The following ATP2B4 variants were observed in gnomAD, a reference collection of about 807,000 sequenced individuals.
The protein encoded by ATP2B4 is ATPase plasma membrane Ca2+ transporting 4.
In ATP2B4, 39 loss-of-function variants were observed where a neutral mutation model predicts 110.3. The ratio of observed to expected loss-of-function variants is 0.35; its 90% CI spans 0.27 to 0.46. The LOEUF (loss-of-function observed/expected upper bound fraction) is 0.46. Among genes scored for constraint, ATP2B4 ranks in the 20% least tolerant of loss-of-function variants. The probability of loss-of-function intolerance (pLI) is 1.00; values close to 1 mark genes in which losing one functional copy is unlikely to be tolerated. For synonymous variants in ATP2B4, 538 were observed against 571.7 expected, an observed-to-expected ratio of 0.94 and a Z score of 0.84; for missense variants, 1,135 against 1,530.9, an observed-to-expected ratio of 0.74 and a Z score of 4.32.
chr1:203,662,207 T>C (rs975216855), intron 1 of ATP2B4, among the ~76,000 whole-genome samples: 5 of 152,154 alleles, frequency 3.3e-5, no homozygotes, highest in African/African-American at 7.2e-5. Context: ...TTTGTATTTT[T>C]AGTAGAGACA....
rs151029505 is a variant in ATP2B4 at position 203,651,912 on chromosome 1, T to C, written c.-465+24693T>C. On this transcript the variant is annotated intron_variant, in intron 1 of 20. Transcript: ENST00000357681. ...GTCTCTACTAAAAATAAAAAAAAATTAGCCAGGCATGGTGGTGGGACGCCT... is the reference window on the plus strand; with the variant it reads ...GTCTCTACTAAAAATAAAAAAAAATCAGCCAGGCATGGTGGTGGGACGCCT... Among the ~76,000 whole-genome samples, 453 of 149,390 alleles carry C rather than the reference T, an allele frequency of 3.0e-3. 2 individuals carry two copies. In the East Asian group the frequency reaches 0.039, roughly 13 times the overall value.
intron 6 of ATP2B4, among the ~76,000 whole-genome samples, chr1:203,701,787 G>A (rs895394999): frequency 1.3e-5 from 2 of 152,132 alleles, no homozygotes; most frequent in Non-Finnish European, 2.9e-5. Flanking sequence ...CTCAGGCCAG[G>A]AGCAAGAGAA....
chr1:203,712,376 A>G (rs556369631), intron 13 of ATP2B4, among the ~76,000 whole-genome samples: 4 of 152,222 alleles, frequency 2.6e-5, no homozygotes, highest in Non-Finnish European at 4.4e-5. Context: ...GTGGATCACA[A>G]GGTCAAGAGA....
At chr1:203,661,927 G>A (rs1384343319) in intron 1 of ATP2B4, among the ~76,000 whole-genome samples, 1 of 151,906 alleles carries the variant, frequency 6.6e-6, no homozygotes, top group Non-Finnish European at 1.5e-5. Context: ...CTTCTCACCT[G>A]TCTATACCAG....
intron 1 of ATP2B4, among the ~76,000 whole-genome samples, chr1:203,642,272 A>G (rs887547947): frequency 2.6e-5 from 4 of 152,030 alleles, no homozygotes; most frequent in African/African-American, 4.8e-5. Context: ...TTTTTTAGAA[A>G]TGGGTCTTGC....
In ATP2B4 at chr1:203,694,068, G is replaced by A. The variant is rs562084022; in HGVS notation, c.194-4089G>A. Among the ~76,000 whole-genome samples, 11 of 152,302 alleles carry A rather than the reference G, an allele frequency of 7.2e-5. 1 individual carries two copies. The South Asian group carries it at 2.3e-3, about 32-fold the overall frequency. The stretch of plus-strand genomic sequence containing the variant: ...TTAGTTTGCTTCTATGTCAAATTGG[G>A]TTAATAGTAGCTACCAGGTAGGGGT... On this transcript the variant is annotated intron_variant, in intron 2 of 20. Coordinates refer to ENST00000357681, the MANE Select transcript of ATP2B4 (RefSeq NM_001684.5).
intron 1 of ATP2B4, among the ~76,000 whole-genome samples, chr1:203,653,074 G>A (rs1458340921): frequency 6.6e-6 from 1 of 152,186 alleles, no homozygotes; most frequent in Non-Finnish European, 1.5e-5. Flanking sequence ...AAATGTTCTT[G>A]AAGGAAATTA....
At chr1:203,679,417 C>T (rs1452904892) in intron 1 of ATP2B4, among the ~76,000 whole-genome samples, 1 of 152,190 alleles carries the variant, frequency 6.6e-6, no homozygotes, top group African/African-American at 2.4e-5. Context: ...CAGCTTAGCG[C>T]TTGACCTACT....
chr1:203,691,982 C>T (rs1445365652), intron 2 of ATP2B4, among the ~76,000 whole-genome samples: 1 of 151,094 alleles, frequency 6.6e-6, no homozygotes, highest in Non-Finnish European at 1.5e-5. Flanking sequence ...CCCGTGTTCA[C>T]ACCATTCTCC....
chr1:203,699,306 C>A (rs1395290274), intron 3 of ATP2B4, among the ~76,000 whole-genome samples, 154 bp from the exon 4 acceptor site: 2 of 152,190 alleles, frequency 1.3e-5, no homozygotes, highest in African/African-American at 4.8e-5. Flanking sequence ...CTCAATCCTG[C>A]TATCCTCTGA....
intron 1 of ATP2B4, among the ~76,000 whole-genome samples, chr1:203,667,809 G>C (rs569241919): frequency 6.6e-6 from 1 of 152,326 alleles, no homozygotes; most frequent in African/African-American, 2.4e-5. Flanking sequence ...CTGAGGACTT[G>C]GCTGCTTACA....
intron 1 of ATP2B4, among the ~76,000 whole-genome samples, chr1:203,681,300 C>T (rs532778244): frequency 2.0e-5 from 3 of 152,236 alleles, no homozygotes; most frequent in East Asian, 3.9e-4. Flanking sequence ...TGTCAGGAAT[C>T]GGCAAAGACT....
chr1:203,721,151 C>T, intron 16 of ATP2B4, 46 bp from the exon 17 acceptor site: 2 of 1,600,172 alleles, frequency 1.2e-6, no homozygotes, highest in Non-Finnish European at 1.7e-6. Context: ...CAAAGGTGGG[C>T]TGGTTTCAGA....
Position 203,721,439 on chromosome 1 carries a change from TG to T in ATP2B4, c.2812+33del, listed in dbSNP as rs762914540. ...AGCCACTTTGGGGGTGGGTAGCAGCTGGGGTCCTGGTTGGAGGTGGGGGCAG... is the reference window on the plus strand; with the variant it reads ...AGCCACTTTGGGGGTGGGTAGCAGCTGGGTCCTGGTTGGAGGTGGGGGCAG... On this transcript the variant is annotated intron_variant, in intron 17 of 20. Coordinates refer to ENST00000357681, the MANE Select transcript of ATP2B4 (RefSeq NM_001684.5). 4.4e-6 allele frequency: 7 copies of T among 1,606,070 alleles called. No individual in the cohort carries two copies. The Admixed American group carries it at 1.0e-4, about 23-fold the overall frequency.
intron 1 of ATP2B4, among the ~76,000 whole-genome samples, chr1:203,636,490 A>G (rs1663443032): frequency 6.6e-6 from 1 of 152,088 alleles, no homozygotes; most frequent in African/African-American, 2.4e-5. Context: ...ACGGCTATTA[A>G]TCCTTTAGTC....
At chr1:203,643,457 C>G (rs1663692186) in intron 1 of ATP2B4, among the ~76,000 whole-genome samples, 1 of 152,216 alleles carries the variant, frequency 6.6e-6, no homozygotes, top group South Asian at 2.1e-4. Flanking sequence ...GATAAACAAG[C>G]AAGAGAGTCT....
intron 1 of ATP2B4, among the ~76,000 whole-genome samples, chr1:203,668,890 GAGA>G (rs1664582427): frequency 6.6e-6 from 1 of 152,188 alleles, no homozygotes; most frequent in South Asian, 2.1e-4. Context: ...ATAGATTGGG[GAGA>G]AGGAGGTAGG....
chr1:203,684,864 G>T (rs995146493), intron 2 of ATP2B4, among the ~76,000 whole-genome samples: 13 of 151,528 alleles, frequency 8.6e-5, no homozygotes, highest in South Asian at 2.1e-4. Context: ...TGTTTTTTTG[G>T]TTTTTTTGTT....
intron 19 of ATP2B4, among the ~76,000 whole-genome samples, chr1:203,724,215 G>A (rs1341227250): frequency 6.6e-6 from 1 of 152,104 alleles, no homozygotes; most frequent in Non-Finnish European, 1.5e-5. Context: ...TAAGCCTGGA[G>A]GTAGAAAAAT....
Sources: allele counts gnomAD v4.1 joint callset (sites outside exome capture counted in the v4.1 genomes callset), GRCh38; gene constraint gnomAD v4.1.1; transcripts MANE v1.5; gene names NCBI Gene and HGNC (gene_info 2026-07-23, HGNC 2026-07-21).